Variants in PRKAG1 observed in about 807,000 individuals in gnomAD.
The protein encoded by PRKAG1 is 5'-AMP-activated protein kinase subunit gamma-1.
PRKAG1 carries 27 observed loss-of-function variants against 48.2 expected under a neutral mutation model. The observed-to-expected ratio is 0.56, with a 90% CI of 0.41 to 0.77. PRKAG1 has a LOEUF of 0.77. PRKAG1 is among the 30% of genes least tolerant of loss of function. The pLI, the probability that PRKAG1 is intolerant of heterozygous loss-of-function variation, is 0.00. For missense variants in PRKAG1, 287 were observed against 398.3 expected (o/e 0.72, Z 2.38); for synonymous variants, 130 against 147.7 (o/e 0.88, Z 0.87).
chr12:49,017,069 A>G (rs1012086997), intron 1 of PRKAG1: 2 of 446,432 alleles, frequency 4.5e-6, no homozygotes, highest in African/African-American at 2.0e-5. Flanking sequence ...TCTCTCAGCT[A>G]TTCTGTCACA....
chr12:49,005,503 C>T lies in PRKAG1; in HGVS notation c.209G>A (p.Arg70Gln). The T allele has an allele frequency of 6.2e-7, 1 of 1,614,142 alleles. No homozygotes were observed. The highest frequency in any genetic ancestry group is 1.3e-5 in the African/African-American group (1 of 75,030). ...AFFALVTNGV[R>Q]AAPLWDSKKQ... ...CTTACTATCCCATAAAGGGGCAGCT[C>T]GTACACCGTTAGTCACCAAAGCAAA... The change falls in exon 4 of 12, where the codon CGA becomes CAA. Residue 70 changes from arginine (R) to glutamine (Q), a missense_variant. Arg to Gln is a conservative substitution (Grantham distance 43). This residue lies in a region of PRKAG1 where 224 missense variants were observed against 344.3 expected (regional missense o/e 0.65). Coordinates refer to ENST00000548065, the MANE Select transcript of PRKAG1 (RefSeq NM_002733.5). The surrounding 1 kb of genome is among the most constrained non-coding windows in gnomAD (Gnocchi z 4.1).
Position 49,005,068 on chromosome 12 carries a change from C to G in PRKAG1, c.356-50G>C. Reference sequence around the variant, plus strand: ...AAAATACCACCATGGAAAAGTGTTTCCCAGAAACCCGCCATCCCTTTATCC... The same window carrying G: ...AAAATACCACCATGGAAAAGTGTTTGCCAGAAACCCGCCATCCCTTTATCC... On this transcript the variant is annotated intron_variant, in intron 6 of 11. Coordinates refer to ENST00000548065, the MANE Select transcript of PRKAG1 (RefSeq NM_002733.5). The surrounding 1 kb of genome is among the most constrained non-coding windows in gnomAD (Gnocchi z 4.1). 1 of 1,613,220 alleles carries G rather than the reference C, an allele frequency of 6.2e-7. No individual in the cohort carries two copies.
intron 2 of PRKAG1, among the ~76,000 whole-genome samples, chr12:49,007,624 T>C (rs1941596146): frequency 6.6e-6 from 1 of 152,196 alleles, no homozygotes; most frequent in Admixed American, 6.5e-5. Context: ...TGAGAACATC[T>C]ATCTACCTTA....
intron 8 of PRKAG1, 134 bp downstream of exon 8, chr12:49,004,373 G>A: frequency 8.5e-7 from 1 of 1,175,674 alleles, no homozygotes; most frequent in Non-Finnish European, 1.2e-6. Flanking sequence ...GGAGGCTGAG[G>A]CGGGAGGATC....
intron 10 of PRKAG1, 42 bp downstream of exon 10, chr12:49,003,516 C>CG (rs769394174): frequency 2.5e-6 from 4 of 1,600,662 alleles, no homozygotes; most frequent in Non-Finnish European, 3.4e-6. Context: ...GTGCCCCCCC[C>CG]CCACCACTTC....
intron 8 of PRKAG1, 169 bp from the exon 9 acceptor site, chr12:49,004,091 A>C: frequency 2.3e-6 from 2 of 887,236 alleles, no homozygotes; most frequent in Non-Finnish European, 3.3e-6. Context: ...GGAGTTCGAG[A>C]CCAGCCTGGG....
At chr12:49,011,113 G>C (rs1384858004) in intron 2 of PRKAG1, among the ~76,000 whole-genome samples, 1 of 152,068 alleles carries the variant, frequency 6.6e-6, no homozygotes, top group Non-Finnish European at 1.5e-5. Context: ...AAAGTGCTGG[G>C]ATTACAAGCA....
intron 1 of PRKAG1, chr12:49,016,955 T>C (rs998448172): frequency 5.8e-6 from 2 of 344,140 alleles, no homozygotes; most frequent in East Asian, 8.3e-5. Flanking sequence ...AGCAACATCA[T>C]GCCGCTGGCT....
intron 8 of PRKAG1, 176 bp from the exon 9 acceptor site, chr12:49,004,098 T>C (rs1941417348): frequency 1.3e-6 from 1 of 788,674 alleles, no homozygotes. Flanking sequence ...GAGACCAGCC[T>C]GGGCAACATG....
At chr12:49,013,462 C>A (rs886947020) in intron 1 of PRKAG1, among the ~76,000 whole-genome samples, 4 of 151,932 alleles carry the variant, frequency 2.6e-5, no homozygotes, top group African/African-American at 9.7e-5. Flanking sequence ...CCAGGCTGGT[C>A]TTGAACTCCT....
chr12:49,013,247 T>TC (rs1941832281), intron 1 of PRKAG1, 137 bp from the exon 2 acceptor site: 1 of 717,968 alleles, frequency 1.4e-6, no homozygotes, highest in African/African-American at 1.8e-5. Flanking sequence ...CAAACCCTTT[T>TC]TTTTTTGTTT....
rs771705948 is a variant in PRKAG1 at position 49,003,248 on chromosome 12, C to T, written c.784G>A (p.Val262Met). The T allele has an allele frequency of 1.9e-6, 3 of 1,614,194 alleles. No individual in the cohort carries two copies. Among genetic ancestry groups the T allele is most frequent in the Non-Finnish European group, 1.7e-6 (2 of 1,180,034 alleles). The change falls in exon 11 of 12, where the codon GTG becomes ATG. Residue 262 changes from valine to methionine, a missense_variant. Physicochemically the swap from Val to Met is conservative, Grantham distance 21. Transcript: ENST00000548065. ...EKTYNNLDVS[V>M]TKALQHRSHY... The stretch of plus-strand genomic sequence containing the variant: ...GATCGATGTTGCAAGGCTTTAGTCA[C>T]AGATACATCTAGGTTGTTGTAGGTC...
At chr12:49,014,032 C>T (rs908955630) in intron 1 of PRKAG1, among the ~76,000 whole-genome samples, 2 of 152,030 alleles carry the variant, frequency 1.3e-5, no homozygotes, top group Admixed American at 6.6e-5. Context: ...TACAGGCGTG[C>T]ACCACCACAC....
intron 1 of PRKAG1, among the ~76,000 whole-genome samples, chr12:49,013,337 G>A (rs1941837116): frequency 6.6e-6 from 1 of 152,060 alleles, no homozygotes; most frequent in African/African-American, 2.4e-5. Flanking sequence ...GACCTCCTCG[G>A]GGTCAGGTGA....
rs937889795 is a variant in PRKAG1 at position 49,014,115 on chromosome 12, C to T, written c.10-1005G>A. ...GCCAGGCTGGTCTCAAACTCCTGAC[C>T]TCAACTGATCTGCCCGCCTCAGCCT... On this transcript the variant is annotated intron_variant, in intron 1 of 11. Transcript: ENST00000548065. 2.0e-5 allele frequency among the ~76,000 whole-genome samples: 3 copies of T among 152,096 alleles called. No homozygotes were observed. In the South Asian group the frequency reaches 6.2e-4, roughly 32 times the overall value.
intron 11 of PRKAG1, 35 bp from the exon 12 acceptor site, chr12:49,003,041 T>C: frequency 6.2e-7 from 1 of 1,613,180 alleles, no homozygotes; most frequent in Admixed American, 1.7e-5. Context: ...AGGGAATGTT[T>C]AGTGCTGGCC....
At chr12:49,006,175 G>A (rs1941528569) in intron 2 of PRKAG1, among the ~76,000 whole-genome samples, 2 of 152,220 alleles carry the variant, frequency 1.3e-5, no homozygotes, top group South Asian at 4.1e-4. Flanking sequence ...TTTAATCCAA[G>A]CTTTCCCTTT....
In PRKAG1 at chr12:49,012,877, C is replaced by T. The variant is rs867595967; in HGVS notation, c.58+185G>A. ...TGATAATTGAAGATATTAATCATCC[C>T]CACTCTGCCCAAGATTTATTCCTGG... On this transcript the variant is annotated intron_variant, in intron 2 of 11. Transcript: ENST00000548065. 5.3e-5 allele frequency: 32 copies of T among 600,466 alleles called. No individual in the cohort carries two copies. In the Middle Eastern group the frequency reaches 2.3e-3, roughly 44 times the overall value. The allele number at this position is 600,466 out of a possible 1,614,324, so 37.2% of individuals were successfully genotyped here. A position where few individuals can be genotyped will look rare whatever the true frequency, so the allele number is the denominator to read the frequency against.
intron 9 of PRKAG1, 50 bp from the exon 10 acceptor site, chr12:49,003,645 C>G: frequency 6.2e-7 from 1 of 1,612,304 alleles, no homozygotes; most frequent in Non-Finnish European, 8.5e-7. Context: ...TCTAAAGCTC[C>G]CCCTACTCAT....
Sources: allele counts gnomAD v4.1 joint callset (sites outside exome capture counted in the v4.1 genomes callset), GRCh38; gene constraint gnomAD v4.1.1; regional missense constraint gnomAD v4.1.1; non-coding constraint Gnocchi (gnomAD v3.1); transcripts MANE v1.5; gene names NCBI Gene and HGNC (gene_info 2026-07-23, HGNC 2026-07-21).